The following PRKCE variants were observed in gnomAD, a reference collection of about 807,000 sequenced individuals.
PRKCE encodes protein kinase C epsilon, also known as protein kinase C epsilon type.
PRKCE carries 16 observed loss-of-function variants against 85.4 expected under a neutral mutation model. The observed-to-expected ratio is 0.19, with a 90% CI of 0.13 to 0.28. The LOEUF (loss-of-function observed/expected upper bound fraction) is 0.28. Ranked by LOEUF, PRKCE falls within the 10% of genes least tolerant of loss-of-function variation. The probability of loss-of-function intolerance (pLI) is 1.00; values close to 1 mark genes in which losing one functional copy is unlikely to be tolerated. For synonymous variants in PRKCE, 388 were observed against 371.5 expected (o/e 1.04, Z -0.51); for missense variants, 573 against 975.2 (o/e 0.59, Z 5.49).
chr2:45,727,431 G>A (rs993756116), intron 1 of PRKCE, among the ~76,000 whole-genome samples: 1 of 152,122 alleles, frequency 6.6e-6, no homozygotes, highest in Non-Finnish European at 1.5e-5. Context: ...GCTTCCCGGA[G>A]GACGGGGTTC....
chr2:45,836,567 C>A (rs1176837415), intron 1 of PRKCE, among the ~76,000 whole-genome samples: 5 of 152,224 alleles, frequency 3.3e-5, no homozygotes, highest in East Asian at 1.9e-4. Context: ...CAGCTGGCCT[C>A]TCCCATGCCA....
chr2:45,941,099 C>G (rs1699850054), intron 2 of PRKCE, among the ~76,000 whole-genome samples: 1 of 134,332 alleles, frequency 7.4e-6, no homozygotes, highest in East Asian at 3.1e-4. Flanking sequence ...ATGATAGGCA[C>G]CTATTCCCTA....
chr2:45,978,158 A>C (rs2595210), intron 3 of PRKCE: 26,178 of 152,336 alleles, frequency 0.17, 3,438 homozygotes, highest in East Asian at 0.56. Flanking sequence ...GGGCAGACCC[A>C]GCTGTCTGAC....
intron 2 of PRKCE, among the ~76,000 whole-genome samples, chr2:45,908,349 C>T (rs753200285): frequency 1.6e-4 from 24 of 152,182 alleles, no homozygotes; most frequent in East Asian, 3.8e-4. Flanking sequence ...CAGCCAGAAA[C>T]GGACCAGGAG....
At chr2:45,689,191 T>C (rs924268307) in intron 1 of PRKCE, among the ~76,000 whole-genome samples, 1 of 152,176 alleles carries the variant, frequency 6.6e-6, no homozygotes, top group African/African-American at 2.4e-5. Context: ...GGAATAGAAT[T>C]TGACTTACAA....
Position 46,041,493 on chromosome 2 carries a change from G to C in PRKCE, c.1437+30976G>C, listed in dbSNP as rs1160786039. 6.6e-6 allele frequency among the ~76,000 whole-genome samples: 1 copy of C among 152,234 alleles called. No individual in the cohort carries two copies. The highest frequency in any genetic ancestry group is 2.4e-5 in the African/African-American group (1 of 41,460). On this transcript the variant is annotated intron_variant, in intron 10 of 14. Coordinates refer to ENST00000306156, the MANE Select transcript of PRKCE (RefSeq NM_005400.3). The surrounding 1 kb of genome is among the most constrained non-coding windows in gnomAD (Gnocchi z 5.5). ...ATCCAGACTGGCTTCTAGAAGAAAG[G>C]AAATTTATAGTGTGGAAAGTTGCAG...
chr2:45,890,452 T>C (rs1005637294), intron 2 of PRKCE, among the ~76,000 whole-genome samples: 3 of 151,856 alleles, frequency 2.0e-5, no homozygotes, highest in Admixed American at 6.6e-5. Context: ...TGATCTCGGC[T>C]CACTGCAACG....
At position 46,159,587 on chromosome 2, in the gene PRKCE, T is replaced by C. The variant is rs765178871; in HGVS notation, c.1921-19T>C. The C allele has an allele frequency of 1.9e-6, 3 of 1,577,772 alleles. No individual in the cohort carries two copies. The Admixed American group carries it at 5.3e-5, about 28-fold the overall frequency. On this transcript the variant is annotated intron_variant, in intron 13 of 14. Transcript: ENST00000306156. This position sits in a 1 kb window ranked among gnomAD's most constrained non-coding sequence, Gnocchi z 4.1. ...CCAGGCCTTTGTCACTAATTCCGAC[T>C]CTGTCCTCATCCCTGCAGTTCATGA...
intron 11 of PRKCE, among the ~76,000 whole-genome samples, chr2:46,131,042 A>G (rs1674399336): frequency 6.6e-6 from 1 of 152,194 alleles, no homozygotes; most frequent in South Asian, 2.1e-4. Context: ...ATCCACATCT[A>G]TGGCCAAACA....
intron 2 of PRKCE, among the ~76,000 whole-genome samples, chr2:45,966,794 A>G (rs1441810911): frequency 2.0e-5 from 3 of 152,118 alleles, no homozygotes; most frequent in Non-Finnish European, 4.4e-5. Context: ...AGTGGCAAGT[A>G]GGTAACATCT....
At chr2:45,817,650 C>T (rs909054560) in intron 1 of PRKCE, among the ~76,000 whole-genome samples, 4 of 152,032 alleles carry the variant, frequency 2.6e-5, no homozygotes, top group East Asian at 3.9e-4. Context: ...GCCGAGATCA[C>T]GCCACTGCAC....
intron 2 of PRKCE, among the ~76,000 whole-genome samples, chr2:45,928,360 C>CG (rs1241303939): frequency 6.6e-6 from 1 of 152,350 alleles, no homozygotes; most frequent in African/African-American, 2.4e-5. Context: ...CTCCGCCTCG[C>CG]GGGTTGAAGC....
chr2:45,652,056 TC>T lies in PRKCE; in HGVS notation c.-44del, dbSNP rs1167247806. 2 of 1,456,632 alleles carry T rather than the reference TC, an allele frequency of 1.4e-6. No individual in the cohort carries two copies. The highest frequency in any genetic ancestry group is 2.2e-5 in the Admixed American group (1 of 45,320). The allele number at this position is 1,456,632 out of a possible 1,614,324, so 90.2% of individuals were successfully genotyped here. ...GGCCGTCGGTTCTTCATTCCTGCCC[TC>T]GGGGCAGACGGAGTGACCCCGGCCC... On this transcript the variant is annotated 5_prime_UTR_variant, in exon 1 of 15. Coordinates refer to ENST00000306156, the MANE Select transcript of PRKCE (RefSeq NM_005400.3). This position sits in a 1 kb window ranked among gnomAD's most constrained non-coding sequence, Gnocchi z 7.7.
chr2:46,038,366 T>G (rs905704639), intron 10 of PRKCE, among the ~76,000 whole-genome samples: 3 of 151,850 alleles, frequency 2.0e-5, no homozygotes, highest in Non-Finnish European at 4.4e-5. Flanking sequence ...AAAAAAAAAG[T>G]TTTCCCCGAT....
intron 1 of PRKCE, among the ~76,000 whole-genome samples, chr2:45,724,471 C>G (rs1414888145): frequency 3.3e-5 from 5 of 152,102 alleles, no homozygotes; most frequent in African/African-American, 1.2e-4. Flanking sequence ...TCTAAGTGTT[C>G]CAGTGAAAGG....
intron 1 of PRKCE, among the ~76,000 whole-genome samples, chr2:45,804,758 A>T (rs752788129): frequency 6.6e-5 from 10 of 152,184 alleles, no homozygotes; most frequent in Non-Finnish European, 1.3e-4. Context: ...GAGGGACTTA[A>T]CATTACTGGC....
At chr2:46,029,906 T>C (rs375406256) in intron 10 of PRKCE, among the ~76,000 whole-genome samples, 2 of 152,176 alleles carry the variant, frequency 1.3e-5, no homozygotes, top group South Asian at 2.1e-4. Flanking sequence ...ATAATGATCC[T>C]CTTCCCAAGC....
At chr2:45,987,698 C>G (rs868778896) in intron 6 of PRKCE, among the ~76,000 whole-genome samples, 3 of 152,178 alleles carry the variant, frequency 2.0e-5, no homozygotes, top group Non-Finnish European at 4.4e-5. Context: ...TTGGGATCCA[C>G]TCATGGTGTT....
At chr2:45,820,785 G>A (rs1407906327) in intron 1 of PRKCE, among the ~76,000 whole-genome samples, 1 of 151,988 alleles carries the variant, frequency 6.6e-6, no homozygotes, top group East Asian at 1.9e-4. Flanking sequence ...TTTTTGCATT[G>A]TCCCTGCAAG....
Sources: gnomAD v4.1 joint callset for allele counts (sites outside exome capture counted in the v4.1 genomes callset) on GRCh38, gnomAD v4.1.1 for gene constraint, Gnocchi (gnomAD v3.1) non-coding constraint, MANE v1.5 for transcripts, NCBI Gene and HGNC (gene_info 2026-07-23, HGNC 2026-07-21) for gene names.